The following PTPRD variants were observed in gnomAD, a reference collection of about 807,000 sequenced individuals.
PTPRD encodes receptor-type tyrosine-protein phosphatase delta.
Under a neutral mutation model 214.5 loss-of-function variants are expected in PTPRD, and 34 were observed. The observed-to-expected ratio is 0.16, with a 90% CI of 0.12 to 0.21. The LOEUF is 0.21. PTPRD is among the 10% of genes least tolerant of loss of function. The pLI is 1.00. For synonymous variants in PTPRD, 1,128 were observed against 845.7 expected, an observed-to-expected ratio of 1.33 and a Z score of -5.79; for missense variants, 2,545 against 2,398.7, an observed-to-expected ratio of 1.06 and a Z score of -1.27.
intron 19 of PTPRD, among the ~76,000 whole-genome samples, chr9:8,522,147 C>T (rs2097903855): frequency 6.6e-6 from 1 of 152,106 alleles, no homozygotes; most frequent in Non-Finnish European, 1.5e-5. Flanking sequence ...AATGTATATA[C>T]ATATTGATTT....
At chr9:10,547,875 T>G (rs1473278969) in intron 2 of PTPRD, among the ~76,000 whole-genome samples, 1 of 152,084 alleles carries the variant, frequency 6.6e-6, no homozygotes, top group African/African-American at 2.4e-5. Context: ...TAACATGATA[T>G]TTGGTTGGGA....
chr9:9,506,995 C>G (rs908455457), intron 8 of PTPRD, among the ~76,000 whole-genome samples: 1 of 151,410 alleles, frequency 6.6e-6, no homozygotes, highest in Non-Finnish European at 1.5e-5. Context: ...TACAAGTATA[C>G]TTGTCTTAGT....
chr9:9,136,511 C>G (rs567712615), intron 10 of PTPRD, among the ~76,000 whole-genome samples: 1 of 151,978 alleles, frequency 6.6e-6, no homozygotes, highest in Non-Finnish European at 1.5e-5. Context: ...ATAATCACTA[C>G]TTAGATTCTA....
At chr9:9,657,788 C>T (rs2096548625) in intron 7 of PTPRD, among the ~76,000 whole-genome samples, 1 of 152,126 alleles carries the variant, frequency 6.6e-6, no homozygotes, top group South Asian at 2.1e-4. Context: ...AATTGTACAT[C>T]GTCCTTCCTT....
intron 7 of PTPRD, among the ~76,000 whole-genome samples, chr9:9,591,135 A>G (rs2092685207): frequency 6.7e-6 from 1 of 149,086 alleles, no homozygotes. Flanking sequence ...GCCCATTCTA[A>G]TCACACGAAT....
chr9:8,324,452 A>T (rs1379315471), intron 44 of PTPRD, among the ~76,000 whole-genome samples: 1 of 151,932 alleles, frequency 6.6e-6, no homozygotes, highest in Non-Finnish European at 1.5e-5. Flanking sequence ...ATGGCTGCAC[A>T]GTATTCCATG....
At chr9:8,753,297 T>G (rs1395525133) in intron 11 of PTPRD, among the ~76,000 whole-genome samples, 1 of 152,198 alleles carries the variant, frequency 6.6e-6, no homozygotes, top group Non-Finnish European at 1.5e-5. Flanking sequence ...ATAATGGAAG[T>G]GACGTATGTA....
intron 3 of PTPRD, among the ~76,000 whole-genome samples, chr9:10,192,977 T>C (rs1188784432): frequency 6.6e-6 from 1 of 152,180 alleles, no homozygotes; most frequent in African/African-American, 2.4e-5. Context: ...AATCCTTTTC[T>C]AGTATTTAAG....
At chr9:9,849,100 A>C (rs1427175502) in intron 5 of PTPRD, among the ~76,000 whole-genome samples, 1 of 151,856 alleles carries the variant, frequency 6.6e-6, no homozygotes, top group Non-Finnish European at 1.5e-5. Context: ...ATACATAGAC[A>C]CAGGGTGGTC....
rs1566621117 is a variant in PTPRD at position 9,947,501 on chromosome 9, TTTATATATATA to T, written c.-471-8902_-471-8892del. Among the ~76,000 whole-genome samples, 175 of 22,742 alleles carry T rather than the reference TTTATATATATA, an allele frequency of 7.7e-3. 5 individuals are homozygous for T. Among genetic ancestry groups the T allele is most frequent in the African/African-American group, 0.029 (165 of 5,650 alleles). 14.9% of individuals were successfully genotyped at this position (22,742 alleles called of 152,430 possible). A position where few individuals can be genotyped will look rare whatever the true frequency, so the allele number is the denominator to read the frequency against. On this transcript the variant is annotated intron_variant, in intron 4 of 45. Transcript: ENST00000381196. ...TATATTTTATATATATTATATATAT[TTTATATATATA>T]ATATATATATTATATATATTTTATA... is the stretch of plus-strand genomic sequence containing the variant.
At chr9:8,818,739 CTAAT>C (rs2096976725) in intron 11 of PTPRD, among the ~76,000 whole-genome samples, 1 of 152,316 alleles carries the variant, frequency 6.6e-6, no homozygotes, top group Admixed American at 6.5e-5. Flanking sequence ...TTAATTGTTA[CTAAT>C]TAATATTTAT....
intron 11 of PTPRD, among the ~76,000 whole-genome samples, chr9:8,905,598 G>A (rs1026777745): frequency 6.6e-6 from 1 of 151,920 alleles, no homozygotes; most frequent in Admixed American, 6.6e-5. Context: ...AATTAGTTGG[G>A]CATGGTGGCG....
chr9:9,973,871 G>A (rs2095251248), intron 4 of PTPRD, among the ~76,000 whole-genome samples: 1 of 151,926 alleles, frequency 6.6e-6, no homozygotes, highest in African/African-American at 2.4e-5. Context: ...GTGCAAATGT[G>A]CTCTAATAGA....
chr9:9,302,601 C>CTTGTTTTTTTTTTTTT (rs1955771615), intron 9 of PTPRD, among the ~76,000 whole-genome samples: 1 of 111,888 alleles, frequency 8.9e-6, no homozygotes, highest in Non-Finnish European at 1.7e-5. Context: ...TTTTTTTTTT[C>CTTGTTTTTTTTTTTTT]TTTTTTTTTT....
At chr9:9,350,180 A>G (rs1484755451) in intron 9 of PTPRD, among the ~76,000 whole-genome samples, 7 of 152,076 alleles carry the variant, frequency 4.6e-5, no homozygotes, top group East Asian at 1.9e-4. Flanking sequence ...TCATAAAAAA[A>G]TGTTCCTCTC....
intron 2 of PTPRD, among the ~76,000 whole-genome samples, chr9:10,427,345 G>T (rs10959101): frequency 0.073 from 11,096 of 152,060 alleles, 945 homozygotes; most frequent in East Asian, 0.47. Flanking sequence ...AACAAACATT[G>T]TCAAGAAAAA....
intron 10 of PTPRD, among the ~76,000 whole-genome samples, chr9:9,082,986 T>G (rs1165593446): frequency 6.6e-6 from 1 of 152,134 alleles, no homozygotes; most frequent in African/African-American, 2.4e-5. Context: ...CCAAAGTAAT[T>G]TATAGATTCA....
intron 13 of PTPRD, among the ~76,000 whole-genome samples, chr9:8,636,454 C>G (rs936391156): frequency 1.3e-5 from 2 of 152,150 alleles, no homozygotes; most frequent in Non-Finnish European, 2.9e-5. Context: ...GGGGATGAAA[C>G]TGACAGACTA....
At chr9:9,687,688 T>C (rs1478032025) in intron 7 of PTPRD, among the ~76,000 whole-genome samples, 1 of 151,816 alleles carries the variant, frequency 6.6e-6, no homozygotes, top group Non-Finnish European at 1.5e-5. Context: ...GCCTTCTCTA[T>C]GCCTTCTCTG....
Sources: gnomAD v4.1 joint callset for allele counts (sites outside exome capture counted in the v4.1 genomes callset) on GRCh38, gnomAD v4.1.1 for gene constraint, MANE v1.5 for transcripts, NCBI Gene and HGNC (gene_info 2026-07-23, HGNC 2026-07-21) for gene names.